Variants in PRSS23 observed in about 807,000 individuals in gnomAD.
PRSS23 encodes serine protease 23.
A neutral mutation model predicts 34.7 loss-of-function variants in PRSS23; 25 were observed. The observed-to-expected ratio is 0.72, with a 90% CI of 0.53 to 1.01. The LOEUF (loss-of-function observed/expected upper bound fraction) is 1.01. Ranked by LOEUF, PRSS23 falls within the 50% of genes least tolerant of loss-of-function variation. The probability of loss-of-function intolerance (pLI) is 0.00; values close to 1 mark genes in which losing one functional copy is unlikely to be tolerated. For synonymous variants in PRSS23, 176 were observed against 186.6 expected, an observed-to-expected ratio of 0.94 and a Z score of 0.46; for missense variants, 445 against 475.6, an observed-to-expected ratio of 0.94 and a Z score of 0.60.
intron 2 of PRSS23, among the ~76,000 whole-genome samples, chr11:86,874,171 A>T (rs1361556126): frequency 2.0e-5 from 3 of 152,146 alleles, no homozygotes; most frequent in African/African-American, 7.2e-5. Context: ...GTTCGAAGGA[A>T]GTTCACCAAG....
At chr11:86,824,594 G>A (rs1948284158) in intron 2 of PRSS23, among the ~76,000 whole-genome samples, 1 of 149,290 alleles carries the variant, frequency 6.7e-6, no homozygotes, top group East Asian at 2.0e-4. Flanking sequence ...TCATCATTTA[G>A]CATTAGGTAT....
chr11:86,939,232 C>CA, intron 2 of PRSS23: 1 of 284,462 alleles, frequency 3.5e-6, no homozygotes, highest in African/African-American at 2.2e-5. Context: ...AACACATAAA[C>CA]AAAAAATTCT....
At chr11:86,856,693 G>C (rs1205528614) in intron 2 of PRSS23, among the ~76,000 whole-genome samples, 3 of 152,122 alleles carry the variant, frequency 2.0e-5, no homozygotes, top group Non-Finnish European at 2.9e-5. Context: ...TGGTGTTGGA[G>C]GACATGCTGC....
chr11:86,861,080 A>G, intron 2 of PRSS23, among the ~76,000 whole-genome samples: 1 of 151,650 alleles, frequency 6.6e-6, no homozygotes, highest in East Asian at 1.9e-4. Flanking sequence ...TTAACGGGAA[A>G]GATAATATTA....
At chr11:86,824,501 T>C (rs1948283336) in intron 2 of PRSS23, among the ~76,000 whole-genome samples, 1 of 151,494 alleles carries the variant, frequency 6.6e-6, no homozygotes, top group African/African-American at 2.4e-5. Flanking sequence ...TAGTATACTT[T>C]AAGTTTTAGG....
intron 2 of PRSS23, chr11:86,933,561 G>A (rs1949140525): frequency 6.6e-6 from 1 of 152,220 alleles, no homozygotes; most frequent in African/African-American, 2.4e-5. Context: ...ATACAGCAAT[G>A]ATCAACATAG....
chr11:86,821,721 A>G, intron 1 of PRSS23: 1 of 1,425,376 alleles, frequency 7.0e-7, no homozygotes, highest in Non-Finnish European at 9.7e-7. Flanking sequence ...CAGCTAGTGT[A>G]CTGTCTATTT....
chr11:86,949,270 GAAGA>G (rs1462597119), intron 2 of PRSS23: 1 of 151,992 alleles, frequency 6.6e-6, no homozygotes, highest in African/African-American at 2.4e-5. Flanking sequence ...AAAAAGGAAA[GAAGA>G]AAGGGAAATG....
At chr11:86,867,874 CAAAAA>C (rs11352878) in intron 2 of PRSS23, among the ~76,000 whole-genome samples, 2 of 118,330 alleles carry the variant, frequency 1.7e-5, no homozygotes, top group Admixed American at 8.5e-5. Flanking sequence ...GACCCTACCT[CAAAAA>C]AAAAAAAAAA....
intron 2 of PRSS23, among the ~76,000 whole-genome samples, chr11:86,915,291 C>T (rs945392833): frequency 1.3e-5 from 2 of 152,022 alleles, no homozygotes; most frequent in African/African-American, 4.8e-5. Context: ...TAGGGAGCAC[C>T]AGGCACACCC....
intron 2 of PRSS23, among the ~76,000 whole-genome samples, chr11:86,868,292 A>G (rs1948663762): frequency 6.6e-6 from 1 of 152,170 alleles, no homozygotes; most frequent in Non-Finnish European, 1.5e-5. Context: ...CTTGAGTGAG[A>G]AAGAGAAAAC....
At chr11:86,815,922 C>G (rs1478796677), downstream of PRSS23, among the ~76,000 whole-genome samples, 1 of 152,176 alleles carries the variant, frequency 6.6e-6, no homozygotes, top group African/African-American at 2.4e-5. Flanking sequence ...TCTGAGCCTC[C>G]CAGCTCGCCC....
At chr11:86,794,837 A>G (rs1947970942) in intron 1 of PRSS23, among the ~76,000 whole-genome samples, 1 of 152,208 alleles carries the variant, frequency 6.6e-6, no homozygotes, top group African/African-American at 2.4e-5. Flanking sequence ...ATTAAACATT[A>G]TAAGAAAAAT....
At chr11:86,883,087 T>C (rs995489544) in intron 2 of PRSS23, among the ~76,000 whole-genome samples, 8 of 152,242 alleles carry the variant, frequency 5.3e-5, no homozygotes, top group Admixed American at 3.3e-4. Flanking sequence ...AAGTTCCTTA[T>C]AGATGCTGGA....
At chr11:86,812,964 C>A (rs1349265016), downstream of PRSS23, among the ~76,000 whole-genome samples, 1 of 151,886 alleles carries the variant, frequency 6.6e-6, no homozygotes, top group Non-Finnish European at 1.5e-5. Context: ...AAAATTTAAA[C>A]CCTCCTATAT....
chr11:86,841,557 A>G (rs1948448917), intron 2 of PRSS23, among the ~76,000 whole-genome samples: 1 of 152,136 alleles, frequency 6.6e-6, no homozygotes, highest in African/African-American at 2.4e-5. Flanking sequence ...TAAAGAAGAA[A>G]AGAAGAAATA....
At chr11:86,894,217 C>T (rs1276106526) in intron 2 of PRSS23, among the ~76,000 whole-genome samples, 2 of 152,130 alleles carry the variant, frequency 1.3e-5, no homozygotes, top group Non-Finnish European at 2.9e-5. Context: ...ACCATGTTGT[C>T]CAAGCTGGTC....
chr11:86,899,514 G>A lies in PRSS23; in HGVS notation c.207-51702G>A, dbSNP rs543466312. Among the ~76,000 whole-genome samples the A allele has an allele frequency of 3.5e-3, 380 of 110,038 alleles. 6 individuals carry two copies. Among genetic ancestry groups the A allele is most frequent in the African/African-American group, 9.9e-3 (279 of 28,164 alleles). 72.2% of individuals were successfully genotyped at this position (110,038 alleles called of 152,430 possible). Reference sequence around the variant, plus strand: ...AGCCTGGGCAACAAAGTGAGACCCCGTTTCTTTTTTTTTTTTTTGAGACAG... The same window carrying A: ...AGCCTGGGCAACAAAGTGAGACCCCATTTCTTTTTTTTTTTTTTGAGACAG... On this transcript the variant is annotated intron_variant, in intron 2 of 2. Coordinates refer to the PRSS23 transcript ENST00000533902.
chr11:86,869,674 T>G (rs1421998550), intron 2 of PRSS23, among the ~76,000 whole-genome samples: 1 of 152,134 alleles, frequency 6.6e-6, no homozygotes, highest in Non-Finnish European at 1.5e-5. Flanking sequence ...AACGTGATGG[T>G]TTAGCTGCCT....
Sources: gnomAD v4.1 joint callset for allele counts (sites outside exome capture counted in the v4.1 genomes callset) on GRCh38, gnomAD v4.1.1 for gene constraint, MANE v1.5 for transcripts, NCBI Gene and HGNC (gene_info 2026-07-23, HGNC 2026-07-21) for gene names.